Variants in LARP1B observed in about 807,000 individuals in gnomAD.
LARP1B encodes la-related protein 1B.
In LARP1B, 76 loss-of-function variants were observed where a neutral mutation model predicts 114.2. The observed-to-expected ratio is 0.67, with a 90% CI of 0.55 to 0.81. LARP1B has a LOEUF of 0.81. Among genes scored for constraint, LARP1B ranks in the 30% least tolerant of loss-of-function variants. The pLI is 0.00. For missense variants in LARP1B, 1,014 were observed against 1,075.8 expected (o/e 0.94, Z 0.80); for synonymous variants, 345 against 348.0 (o/e 0.99, Z 0.10).
At chr4:128,197,223 A>G (rs1161039044) in intron 15 of LARP1B, among the ~76,000 whole-genome samples, 4 of 152,226 alleles carry the variant, frequency 2.6e-5, no homozygotes, top group Non-Finnish European at 4.4e-5. Flanking sequence ...TTTTTACCAC[A>G]CATGTACACA....
At chr4:128,092,767 TTTG>T in intron 7 of LARP1B, 1 of 985,448 alleles carries the variant, frequency 1.0e-6, no homozygotes, top group Non-Finnish European at 1.2e-6. Context: ...TCTTGCTTCT[TTTG>T]TTACAGTTGA....
chr4:128,132,832 A>G (rs2150122195), intron 11 of LARP1B, among the ~76,000 whole-genome samples: 1 of 152,206 alleles, frequency 6.6e-6, no homozygotes, highest in South Asian at 2.1e-4. Flanking sequence ...ATTATAATAT[A>G]TAATGAAATA....
chr4:128,150,421 T>C (rs1456900075), intron 11 of LARP1B, among the ~76,000 whole-genome samples: 3 of 151,936 alleles, frequency 2.0e-5, no homozygotes, highest in Non-Finnish European at 4.4e-5. Flanking sequence ...GCCTCCCTAG[T>C]AGTTGGTACT....
intron 5 of LARP1B, among the ~76,000 whole-genome samples, chr4:128,088,685 G>T (rs146075259): frequency 2.4e-3 from 365 of 152,206 alleles, no homozygotes; most frequent in African/African-American, 7.9e-3. Flanking sequence ...TCATGATCAG[G>T]TTTTTAAAAA....
chr4:128,210,297 CT>C lies in LARP1B; in HGVS notation c.*248del. 1 of 1,284,248 alleles carries C rather than the reference CT, an allele frequency of 7.8e-7. No homozygotes were observed. Among genetic ancestry groups the C allele is most frequent in the Non-Finnish European group, 9.9e-7 (1 of 1,013,750 alleles). The allele number at this position is 1,284,248 out of a possible 1,614,324, so 79.6% of individuals were successfully genotyped here. A position where few individuals can be genotyped will look rare whatever the true frequency, so the allele number is the denominator to read the frequency against. ...CACAAACAAGGATAGTCTTGGTGAC[CT>C]TTTATAGAGATCTTCTAGTAATGTA... On this transcript the variant is annotated 3_prime_UTR_variant, in exon 20 of 20. Transcript: ENST00000326639.
chr4:128,075,943 TG>T (rs1231939911), intron 3 of LARP1B, among the ~76,000 whole-genome samples: 1 of 152,278 alleles, frequency 6.6e-6, no homozygotes, highest in Admixed American at 6.5e-5. Flanking sequence ...GCTGAAAACG[TG>T]GCAGCTATCC....
In LARP1B at chr4:128,203,482, T is replaced by C. The variant is rs143857800; in HGVS notation, c.2309+2817T>C. 4.9e-3 allele frequency among the ~76,000 whole-genome samples: 741 copies of C among 152,144 alleles called. 2 individuals are homozygous for C. The highest frequency in any genetic ancestry group is 0.017 in the African/African-American group (700 of 41,496). On this transcript the variant is annotated intron_variant, in intron 17 of 19. Coordinates refer to ENST00000326639, the MANE Select transcript of LARP1B (RefSeq NM_018078.4). ...TCTGCCTCCTGGGTTCAAGCAATTC[T>C]TCTGCCTCAGCCTCGTAAGTAGCTG...
downstream of LARP1B, among the ~76,000 whole-genome samples, chr4:128,213,860 A>G (rs1309180529): frequency 6.6e-6 from 1 of 152,004 alleles, no homozygotes; most frequent in Non-Finnish European, 1.5e-5. Flanking sequence ...GACGCAGAAG[A>G]CGGGTGATTT....
rs76050129 is a variant in LARP1B at position 128,126,113 on chromosome 4, C to CTT, written c.1524+3950_1524+3951dup. On this transcript the variant is annotated intron_variant, in intron 11 of 19. Coordinates refer to ENST00000326639, the MANE Select transcript of LARP1B (RefSeq NM_018078.4). ...CAGCAGAAACATACCTTAAAATAAT[C>CTT]TTTTTTTTTTTTTTTTTTTTTTTTT... 5.9e-4 allele frequency among the ~76,000 whole-genome samples: 80 copies of CTT among 136,088 alleles called. 1 individual carries two copies. The highest frequency in any genetic ancestry group is 1.5e-3 in the African/African-American group (50 of 33,552). 89.3% of individuals were successfully genotyped at this position (136,088 alleles called of 152,430 possible). A position where few individuals can be genotyped will look rare whatever the true frequency, so the allele number is the denominator to read the frequency against.
intron 11 of LARP1B, among the ~76,000 whole-genome samples, chr4:128,138,417 T>G (rs1443953006): frequency 1.3e-5 from 2 of 152,222 alleles, no homozygotes; most frequent in Non-Finnish European, 1.5e-5. Context: ...TTTAAAAATC[T>G]TCAAACTCTA....
rs77441288 is a variant in LARP1B, at chr4:128,172,618, G to A, written c.1649-4254G>A. 4.3e-3 allele frequency among the ~76,000 whole-genome samples: 660 copies of A among 152,002 alleles called. 16 individuals are homozygous for A. The East Asian group carries it at 0.053, about 12-fold the overall frequency. ...TGAGGCACGAGAATCACTTGAACCCGGGAGGTAGAGGTTGCGGTGAGCCAA... is the reference window on the plus strand; with the variant it reads ...TGAGGCACGAGAATCACTTGAACCCAGGAGGTAGAGGTTGCGGTGAGCCAA... On this transcript the variant is annotated intron_variant, in intron 12 of 19. Transcript: ENST00000326639.
chr4:128,083,451 C>A, intron 5 of LARP1B, among the ~76,000 whole-genome samples: 2 of 148,462 alleles, frequency 1.3e-5, no homozygotes, highest in South Asian at 2.1e-4. Context: ...GGGGGCTGAC[C>A]CCCCCCACCT....
At chr4:128,066,171 T>TC (rs1380134284) in intron 1 of LARP1B, among the ~76,000 whole-genome samples, 2 of 141,590 alleles carry the variant, frequency 1.4e-5, no homozygotes, top group African/African-American at 5.2e-5. Flanking sequence ...TCTTCTTTTT[T>TC]TTTTTTTTTT....
At chr4:128,203,325 CCCT>C (rs2150915793) in intron 17 of LARP1B, among the ~76,000 whole-genome samples, 7 of 135,024 alleles carry the variant, frequency 5.2e-5, no homozygotes, top group Non-Finnish European at 7.9e-5. Context: ...CTCTCTCCCT[CCCT>C]CCCTCCCTCC....
At chr4:128,121,711 A>T in intron 10 of LARP1B, 115 bp from the exon 11 acceptor site, 1 of 688,900 alleles carries the variant, frequency 1.5e-6, no homozygotes, top group Non-Finnish European at 2.3e-6. Context: ...TTTGGCTGTT[A>T]AACTAGCAAT....
chr4:128,118,385 C>A (rs1786731142), intron 10 of LARP1B, among the ~76,000 whole-genome samples: 1 of 151,590 alleles, frequency 6.6e-6, no homozygotes, highest in Non-Finnish European at 1.5e-5. Flanking sequence ...GCGCTTGCCA[C>A]CACGCCCAGC....
chr4:128,219,736 G>A (rs1759842943), intron 6 of LARP1B, among the ~76,000 whole-genome samples: 1 of 148,428 alleles, frequency 6.7e-6, no homozygotes, highest in Non-Finnish European at 1.5e-5. Flanking sequence ...CATGGCACAT[G>A]TATACATAGG....
At chr4:128,165,631 T>G (rs1425861055) in intron 12 of LARP1B, among the ~76,000 whole-genome samples, 1 of 152,130 alleles carries the variant, frequency 6.6e-6, no homozygotes, top group African/African-American at 2.4e-5. Flanking sequence ...CTTCAGTATC[T>G]ATATTCCTAT....
intron 17 of LARP1B, among the ~76,000 whole-genome samples, chr4:128,204,610 G>A (rs934865655): frequency 4.6e-5 from 7 of 150,810 alleles, no homozygotes; most frequent in African/African-American, 1.7e-4. Flanking sequence ...AGCCGAGATC[G>A]CACCACTACA....
Sources: gnomAD v4.1 joint callset for allele counts (sites outside exome capture counted in the v4.1 genomes callset) on GRCh38, gnomAD v4.1.1 for gene constraint, MANE v1.5 for transcripts, NCBI Gene and HGNC (gene_info 2026-07-23, HGNC 2026-07-21) for gene names.